COG2: variants seen among roughly 807,000 people sequenced by gnomAD.
COG2 encodes component of oligomeric golgi complex 2.
A neutral mutation model predicts 90.6 loss-of-function variants in COG2; 52 were observed. The observed-to-expected ratio is 0.57, with a 90% CI of 0.46 to 0.72. COG2 has a LOEUF of 0.72. Among genes scored for constraint, COG2 ranks in the 30% least tolerant of loss-of-function variants. The pLI, the probability that COG2 is intolerant of heterozygous loss-of-function variation, is 0.00. For missense variants in COG2, 829 were observed against 891.2 expected, an observed-to-expected ratio of 0.93 and a Z score of 0.89; for synonymous variants, 337 against 320.4, an observed-to-expected ratio of 1.05 and a Z score of -0.55.
At chr1:230,660,679 C>T in intron 2 of COG2, 79 bp from the exon 3 acceptor site, 1 of 919,030 alleles carries the variant, frequency 1.1e-6, no homozygotes. Flanking sequence ...AAGTCTAGCA[C>T]TACATTGATC....
At chr1:230,658,594 G>A (rs755383558) in intron 1 of COG2, among the ~76,000 whole-genome samples, 1 of 152,166 alleles carries the variant, frequency 6.6e-6, no homozygotes, top group Non-Finnish European at 1.5e-5. Flanking sequence ...TAGGAGGTCC[G>A]CTGCTCTCTC....
chr1:230,688,826 G>A (rs1157492109), intron 15 of COG2, among the ~76,000 whole-genome samples: 3 of 152,110 alleles, frequency 2.0e-5, no homozygotes, highest in African/African-American at 4.8e-5. Flanking sequence ...TTGGTCTTGA[G>A]GAAAAGTAGG....
At chr1:230,650,001 A>G (rs1661873774) in intron 1 of COG2, among the ~76,000 whole-genome samples, 1 of 152,158 alleles carries the variant, frequency 6.6e-6, no homozygotes, top group Admixed American at 6.5e-5. Flanking sequence ...GAGTTAGTTC[A>G]TTTAGGATAA....
chr1:230,687,269 C>G (rs2102773262), intron 13 of COG2, 137 bp downstream of exon 13: 2 of 586,890 alleles, frequency 3.4e-6, no homozygotes, highest in East Asian at 2.9e-5. Context: ...GAGAGAACCT[C>G]TCACTCACCT....
intron 1 of COG2, among the ~76,000 whole-genome samples, chr1:230,658,480 G>A (rs9658890): frequency 0.52 from 79,064 of 151,928 alleles, 21,373 homozygotes; most frequent in East Asian, 0.78. Flanking sequence ...TGTGTGAAGT[G>A]TCTCTCAGCC....
rs781365255 is a variant in COG2 at position 230,688,067 on chromosome 1, T to C, written c.1579-4T>C. 2 of 1,582,612 alleles carry C rather than the reference T, an allele frequency of 1.3e-6. No homozygotes were observed. The highest frequency in any genetic ancestry group is 1.7e-6 in the Non-Finnish European group (2 of 1,166,678). On this transcript the variant is annotated splice_polypyrimidine_tract_variant and splice_region_variant and intron_variant, in intron 13 of 17. Transcript: ENST00000366669. ...TGAATATATAAAGTGCATATTTATT[T>C]CAGCTTCCAGAACTCTTGGAAATAA... is the stretch of plus-strand genomic sequence containing the variant.
Position 230,659,462 on chromosome 1 carries a change from A to C in COG2, c.73-2A>C. The C allele has an allele frequency of 6.2e-7, 1 of 1,612,662 alleles. No individual in the cohort carries two copies. The highest frequency in any genetic ancestry group is 8.5e-7 in the Non-Finnish European group (1 of 1,178,990). On this transcript the variant is annotated splice_acceptor_variant, in intron 1 of 17. Coordinates refer to ENST00000366669, the MANE Select transcript of COG2 (RefSeq NM_007357.3). LOFTEE classifies it high-confidence loss of function. ...TTTTTCTTCTCTGGTTTTATTTTTC[A>C]GGAAGATTTCGATGTCGATCATTTT... is the stretch of plus-strand genomic sequence containing the variant.
Position 230,687,109 on chromosome 1 carries a change from G to C in COG2, c.1555G>C (p.Asp519His). 1 of 1,611,786 alleles carries C rather than the reference G, an allele frequency of 6.2e-7. No individual in the cohort carries two copies. The highest frequency in any genetic ancestry group is 8.5e-7 in the Non-Finnish European group (1 of 1,178,704). The change falls in exon 13 of 18, where the codon GAC becomes CAC. Residue 519 changes from aspartate to histidine, a missense_variant. Physicochemically the swap from Asp to His is moderately conservative, Grantham distance 81. Coordinates refer to ENST00000366669, the MANE Select transcript of COG2 (RefSeq NM_007357.3). ...CACTCAGCTCGTGTATGTGGTTGCA[G>C]ACCTGGACAAGCTTCAGGAGCAGGT... The part of the protein sequence containing the change: ...SRTQLVYVVA[D>H]LDKLQEQLPE...
chr1:230,643,255 G>C (rs1196634783), intron 1 of COG2, among the ~76,000 whole-genome samples: 2 of 152,182 alleles, frequency 1.3e-5, no homozygotes, highest in African/African-American at 4.8e-5. Context: ...TGCATTTGAA[G>C]AAGTTGGTAG....
At chr1:230,649,023 T>C (rs1299788700) in intron 1 of COG2, among the ~76,000 whole-genome samples, 1 of 152,226 alleles carries the variant, frequency 6.6e-6, no homozygotes, top group Admixed American at 6.5e-5. Flanking sequence ...TGACAGGTTA[T>C]AGGTTTTCTT....
chr1:230,672,664 TAA>T (rs11297922), intron 8 of COG2, among the ~76,000 whole-genome samples: 44 of 146,432 alleles, frequency 3.0e-4, no homozygotes, highest in South Asian at 1.3e-3. Context: ...AACCCCATCT[TAA>T]AAAAAAAAAA....
Position 230,693,688 on chromosome 1 carries a change from G to GA in COG2, c.*297dup, listed in dbSNP as rs1455663416. Reference sequence around the variant, plus strand: ...TATTTTTATTGTAAATCTTAGTGTGGAAGAGCTGATTTCTAAAATATGATT... The same window carrying GA: ...TATTTTTATTGTAAATCTTAGTGTGGAAAGAGCTGATTTCTAAAATATGATT... On this transcript the variant is annotated 3_prime_UTR_variant, in exon 18 of 18. Transcript: ENST00000366669. 8.9e-6 allele frequency: 2 copies of GA among 225,862 alleles called. No homozygotes were observed. The highest frequency in any genetic ancestry group is 1.7e-5 in the Non-Finnish European group (2 of 117,012). The allele number at this position is 225,862 out of a possible 1,614,324, so 14.0% of individuals were successfully genotyped here.
intron 7 of COG2, chr1:230,670,617 A>C (rs1310643937): frequency 1.3e-5 from 2 of 151,950 alleles, no homozygotes; most frequent in Non-Finnish European, 2.9e-5. Flanking sequence ...TAAGTGAAAA[A>C]ATTTTTTTGT....
At position 230,691,535 on chromosome 1, in the gene COG2, G is replaced by T; in HGVS notation, c.2086G>T (p.Ala696Ser). The T allele has an allele frequency of 6.2e-7, 1 of 1,614,036 alleles. No homozygotes were observed. The highest frequency in any genetic ancestry group is 8.5e-7 in the Non-Finnish European group (1 of 1,179,998). Residue 696 changes from alanine to serine, a missense_variant, in exon 17 of 18, where the codon GCC (alanine) becomes TCC (serine). Coordinates refer to ENST00000366669, the MANE Select transcript of COG2 (RefSeq NM_007357.3). The part of the protein sequence containing the change: ...SDDDKIRLQL[A>S]LDVEYLGEQI... ...CGACGACAAAATCAGGCTGCAGTTG[G>T]CCCTAGATGTTGAGTACTTGGGAGA...
At chr1:230,644,867 A>C (rs1468920289) in intron 1 of COG2, among the ~76,000 whole-genome samples, 2 of 152,312 alleles carry the variant, frequency 1.3e-5, no homozygotes, top group Admixed American at 1.3e-4. Context: ...AGGCTACTTA[A>C]AAAGTTATTT....
chr1:230,691,394 A>G lies in COG2; in HGVS notation c.1945A>G (p.Thr649Ala). The change falls in exon 17 of 18, where the codon ACC becomes GCC. Residue 649 changes from threonine (T) to alanine (A), a missense_variant. Thr to Ala is a moderately conservative substitution (Grantham distance 58). Transcript: ENST00000366669. ...TGTCTTCTATTCAAGGTACTATGAA[A>G]CCGTGTCAGATGTATTAAACTCTGT... Reference protein sequence around the residue: ...LSESTHKYYETVSDVLNSVKK... With the variant: ...LSESTHKYYEAVSDVLNSVKK... 6.2e-7 allele frequency: 1 copy of G among 1,612,352 alleles called. No homozygotes were observed.
chr1:230,661,023 T>G, intron 3 of COG2, 200 bp downstream of exon 3: 1 of 404,244 alleles, frequency 2.5e-6, no homozygotes, highest in Non-Finnish European at 4.4e-6. Flanking sequence ...AAAAATGTTA[T>G]GTTTGATTTG....
rs187295945 is a variant in COG2, at chr1:230,658,683, C to T, written c.73-781C>T. Among the ~76,000 whole-genome samples the T allele has an allele frequency of 2.8e-4, 43 of 152,244 alleles. No individual in the cohort carries two copies. The East Asian group carries it at 7.0e-3, about 25-fold the overall frequency. On this transcript the variant is annotated intron_variant, in intron 1 of 17. Coordinates refer to ENST00000366669, the MANE Select transcript of COG2 (RefSeq NM_007357.3). Reference sequence around the variant, plus strand: ...CCCTTCCCCCAGGTGCTCTGTCCCACGGGGATGGGGGTTTTATCTATAAGA... The same window carrying T: ...CCCTTCCCCCAGGTGCTCTGTCCCATGGGGATGGGGGTTTTATCTATAAGA...
chr1:230,684,785 C>T (rs552936112), intron 11 of COG2, among the ~76,000 whole-genome samples: 12 of 152,292 alleles, frequency 7.9e-5, no homozygotes, highest in Admixed American at 6.5e-4. Context: ...CCATGTTTGT[C>T]GATTTGGTAT....
Sources: allele counts gnomAD v4.1 joint callset (sites outside exome capture counted in the v4.1 genomes callset), GRCh38; gene constraint gnomAD v4.1.1; transcripts MANE v1.5; gene names NCBI Gene and HGNC (gene_info 2026-07-23, HGNC 2026-07-21).